The following SCAP variants were observed in gnomAD, a reference collection of about 807,000 sequenced individuals.
SCAP encodes the protein sterol regulatory element-binding protein cleavage-activating protein.
A neutral mutation model predicts 123.6 loss-of-function variants in SCAP; 65 were observed. The ratio of observed to expected loss-of-function variants is 0.53; its 90% CI spans 0.43 to 0.65. SCAP has a LOEUF of 0.65. SCAP is among the 30% of genes least tolerant of loss of function. The pLI is 0.00. For missense variants in SCAP, 1,398 were observed against 1,712.5 expected, an observed-to-expected ratio of 0.82 and a Z score of 3.24; for synonymous variants, 740 against 726.3, an observed-to-expected ratio of 1.02 and a Z score of -0.30.
chr3:47,419,962 T>C lies in SCAP; in HGVS notation c.1564-258A>G, dbSNP rs1297519531. 1.3e-5 allele frequency among the ~76,000 whole-genome samples: 2 copies of C among 152,196 alleles called. No individual in the cohort carries two copies. Among genetic ancestry groups the C allele is most frequent in the Non-Finnish European group, 2.9e-5 (2 of 68,024 alleles). ...GGCCTGGAAATACACTGAAGCACCC[T>C]GAGGTTTGACACAGAATGTCCCCAC... is the stretch of plus-strand genomic sequence containing the variant. On this transcript the variant is annotated intron_variant, in intron 12 of 22. Transcript: ENST00000265565. This position sits in a 1 kb window ranked among gnomAD's most constrained non-coding sequence, Gnocchi z 5.0.
At position 47,418,757 on chromosome 3, in the gene SCAP, C is replaced by A. The variant is rs376114087; in HGVS notation, c.2027G>T (p.Arg676Leu). ...GGGCCCCGGTGGGGGCCAGGCACTG[C>A]GGCCGTCCTGAGGGTGCCGGCCCTC... is the stretch of plus-strand genomic sequence containing the variant. Reference protein sequence around the residue: ...ALEGRHPQDGRSAWPPPGPIP... With the variant: ...ALEGRHPQDGLSAWPPPGPIP... Residue 676 changes from arginine (R) to leucine (L), a missense_variant, in exon 14 of 23, where the codon CGC becomes CTC. By Grantham distance (102) the Arg-to-Leu change is moderately radical (BLOSUM62 -2). Around this residue, in one of 7 missense-constraint regions of SCAP, gnomAD observed 828 missense variants for 882.5 expected, o/e 0.94. Transcript: ENST00000265565. 6.3e-7 allele frequency: 1 copy of A among 1,588,052 alleles called. No individual in the cohort carries two copies. The highest frequency in any genetic ancestry group is 2.2e-5 in the East Asian group (1 of 44,576).
Position 47,427,491 on chromosome 3 carries a change from T to A in SCAP, c.587A>T (p.His196Leu), listed in dbSNP as rs764156241. Reference sequence around the variant, plus strand: ...CTGCAGGGTTTTAGGCTCGTGCTGGTGGATGGTCCCAATGATGTCAGGATC... The same window carrying A: ...CTGCAGGGTTTTAGGCTCGTGCTGGAGGATGGTCCCAATGATGTCAGGATC... ...HADPDIIGTI[H>L]QHEPKTLQTS... Residue 196 changes from histidine to leucine, a missense_variant, in exon 5 of 23, where the codon CAC becomes CTC. Physicochemically the swap from His to Leu is moderately conservative, Grantham distance 99. Around this residue, in one of 7 missense-constraint regions of SCAP, gnomAD observed 319 missense variants for 432.4 expected, o/e 0.74. Coordinates refer to ENST00000265565, the MANE Select transcript of SCAP (RefSeq NM_012235.4). The A allele has an allele frequency of 1.1e-5, 18 of 1,614,088 alleles. No individual in the cohort carries two copies. Among genetic ancestry groups the A allele is most frequent in the Non-Finnish European group, 1.4e-5 (16 of 1,180,048 alleles).
rs558458280 is a variant in SCAP, at chr3:47,420,942, G to C, written c.1333C>G (p.Arg445Gly). 6.2e-7 allele frequency: 1 copy of C among 1,613,666 alleles called. No homozygotes were observed. Among genetic ancestry groups the C allele is most frequent in the East Asian group, 2.2e-5 (1 of 44,874 alleles). Residue 445 changes from arginine to glycine, a missense_variant, in exon 11 of 23, where the codon CGC becomes GGC. Around this residue, in one of 7 missense-constraint regions of SCAP, gnomAD observed 66 missense variants for 116.3 expected, o/e 0.57. Transcript: ENST00000265565. This position sits in a 1 kb window ranked among gnomAD's most constrained non-coding sequence, Gnocchi z 5.0. ...FFTTVLSIDIRRMELADLNKR... is the reference protein window; with the variant it reads ...FFTTVLSIDIGRMELADLNKR... ...CAGCCCACTCCTACCTCCATCCGGC[G>C]AATGTCAATGGACAGGACAGTGGTG... is the stretch of plus-strand genomic sequence containing the variant.
intron 1 of SCAP, among the ~76,000 whole-genome samples, chr3:47,468,190 G>A (rs1707904965): frequency 6.6e-6 from 1 of 152,158 alleles, no homozygotes; most frequent in Admixed American, 6.6e-5. Flanking sequence ...ACGTGTGCAT[G>A]TGCCTTTATA....
intron 1 of SCAP, among the ~76,000 whole-genome samples, chr3:47,456,075 G>A (rs865942575): frequency 2.6e-5 from 4 of 152,088 alleles, no homozygotes; most frequent in South Asian, 4.1e-4. Context: ...GGGTAGCCAC[G>A]GAAAAAAATT....
rs770058714 is a variant in SCAP, at chr3:47,418,739, G to A, written c.2045C>T (p.Pro682Leu). The A allele has an allele frequency of 1.2e-5, 19 of 1,593,596 alleles. No individual in the cohort carries two copies. Among genetic ancestry groups the A allele is most frequent in the African/African-American group, 5.4e-5 (4 of 73,616 alleles). ...CCAGTGCCCAGCAGGTATGGGCCCC[G>A]GTGGGGGCCAGGCACTGCGGCCGTC... ...PQDGRSAWPP[P>L]GPIPAGHWEA... The change falls in exon 14 of 23, where the codon CCG (proline) becomes CTG (leucine). Residue 682 changes from proline (P) to leucine (L), a missense_variant. Pro to Leu is a moderately conservative substitution (Grantham distance 98). This residue lies in a region of SCAP where 828 missense variants were observed against 882.5 expected (regional missense o/e 0.94). Coordinates refer to ENST00000265565, the MANE Select transcript of SCAP (RefSeq NM_012235.4).
At chr3:47,455,076 T>C (rs1707367943) in intron 1 of SCAP, among the ~76,000 whole-genome samples, 1 of 145,072 alleles carries the variant, frequency 6.9e-6, no homozygotes, top group South Asian at 2.1e-4. Context: ...TATATATATA[T>C]ATATATATAT....
Position 47,417,145 on chromosome 3 carries a change from G to A in SCAP, c.3033C>T (p.Thr1011=), listed in dbSNP as rs774749281. 19 of 1,612,972 alleles carry A rather than the reference G, an allele frequency of 1.2e-5. No homozygotes were observed. Among genetic ancestry groups the A allele is most frequent in the African/African-American group, 6.7e-5 (5 of 74,942 alleles). The change falls in exon 18 of 23, where the codon ACC becomes ACT. Residue 1011 remains threonine, a synonymous_variant. Coordinates refer to ENST00000265565, the MANE Select transcript of SCAP (RefSeq NM_012235.4). ...ACCTTTTGTCCAAGAACACCAGAGC[G>A]GTAATGCCTGAGGAGACCTCCTCGC... ...CSSEEVSSGI[T]ALVFLDKRIV... is the part of the protein sequence containing the mutation.
intron 16 of SCAP, 127 bp downstream of exon 16, chr3:47,418,007 G>T (rs1361281683): frequency 5.1e-5 from 30 of 593,674 alleles, no homozygotes; most frequent in Admixed American, 2.8e-4. Flanking sequence ...GCGGGGGTGG[G>T]GGGAGAGGGG....
At chr3:47,423,030 C>T (rs2107801269) in intron 9 of SCAP, among the ~76,000 whole-genome samples, 1 of 152,372 alleles carries the variant, frequency 6.6e-6, no homozygotes, top group African/African-American at 2.4e-5. Flanking sequence ...TGTCGCATGT[C>T]TAAGGCTCTG....
chr3:47,427,013 G>T, intron 6 of SCAP, 144 bp downstream of exon 6: 1 of 670,836 alleles, frequency 1.5e-6, no homozygotes, highest in South Asian at 1.7e-5. Flanking sequence ...TCTAGTCTGA[G>T]GGATGTAAAC....
intron 1 of SCAP, among the ~76,000 whole-genome samples, chr3:47,454,323 A>C (rs1485435308): frequency 6.6e-6 from 1 of 151,842 alleles, no homozygotes; most frequent in Non-Finnish European, 1.5e-5. Flanking sequence ...AGCAGAGATC[A>C]CGCCACTGCA....
chr3:47,414,762 G>A lies in SCAP; in HGVS notation c.3306+65C>T, dbSNP rs1046257490. On this transcript the variant is annotated intron_variant, in intron 20 of 22. Transcript: ENST00000265565. The stretch of plus-strand genomic sequence containing the variant: ...AGGACTCTTCCAGCCTCTCCCTGAC[G>A]AATGCATCAGGCTCCCACCCCGTGC... The A allele has an allele frequency of 2.3e-5, 37 of 1,602,290 alleles. No individual in the cohort carries two copies. In the Admixed American group the frequency reaches 2.7e-4, roughly 12 times the overall value.
chr3:47,462,067 T>A (rs1488158162), intron 1 of SCAP, among the ~76,000 whole-genome samples: 3 of 152,088 alleles, frequency 2.0e-5, no homozygotes, highest in Non-Finnish European at 4.4e-5. Flanking sequence ...GATTTAAATG[T>A]TTACTATAAT....
intron 2 of SCAP, 50 bp downstream of exon 2, chr3:47,442,822 A>G (rs758354869): frequency 1.3e-6 from 2 of 1,553,896 alleles, no homozygotes; most frequent in Admixed American, 3.4e-5. Context: ...TAGAAAACCT[A>G]CTGTCCTAAG....
intron 7 of SCAP, 152 bp from the exon 8 acceptor site, chr3:47,425,763 T>C (rs1021136820): frequency 1.1e-6 from 1 of 944,510 alleles, no homozygotes; most frequent in Non-Finnish European, 1.6e-6. Context: ...CCCAGTGTCA[T>C]GGACACAGTA....
At chr3:47,454,133 C>T (rs1411975587) in intron 1 of SCAP, among the ~76,000 whole-genome samples, 6 of 152,106 alleles carry the variant, frequency 3.9e-5, no homozygotes, top group Admixed American at 3.3e-4. Context: ...TTTGGGTGGC[C>T]GAGGCGGGCG....
intron 1 of SCAP, among the ~76,000 whole-genome samples, chr3:47,462,753 C>CAAAAAAAAA (rs369097240): frequency 1.3e-5 from 1 of 79,630 alleles, no homozygotes; most frequent in Non-Finnish European, 2.5e-5. Context: ...AACTCCGTCT[C>CAAAAAAAAA]AAAAAAAAAA....
intron 1 of SCAP, among the ~76,000 whole-genome samples, chr3:47,461,445 C>T (rs559170487): frequency 6.6e-6 from 1 of 152,300 alleles, no homozygotes; most frequent in African/African-American, 2.4e-5. Flanking sequence ...ACAATTCTTC[C>T]AAATGTTCAC....
Sources: allele counts gnomAD v4.1 joint callset (sites outside exome capture counted in the v4.1 genomes callset), GRCh38; gene constraint gnomAD v4.1.1; regional missense constraint gnomAD v4.1.1; non-coding constraint Gnocchi (gnomAD v3.1); transcripts MANE v1.5; gene names NCBI Gene and HGNC (gene_info 2026-07-23, HGNC 2026-07-21).